TANC1: variants seen among roughly 807,000 people sequenced by gnomAD.
TANC1 encodes the protein tetratricopeptide repeat, ankyrin repeat and coiled-coil containing 1, also known as protein TANC1.
In TANC1, 77 loss-of-function variants were observed where a neutral mutation model predicts 149.7. That is an observed-to-expected ratio of 0.51 (90% CI 0.43 to 0.62). The LOEUF (loss-of-function observed/expected upper bound fraction) is 0.62. Among genes scored for constraint, TANC1 ranks in the 20% least tolerant of loss-of-function variants. TANC1 has a pLI of 0.00. For synonymous variants in TANC1, 854 were observed against 925.0 expected (o/e 0.92, Z 1.39); for missense variants, 1,985 against 2,321.8 (o/e 0.85, Z 2.98).
chr2:159,030,474 A>G (rs1456112193), intron 2 of TANC1, among the ~76,000 whole-genome samples: 2 of 152,210 alleles, frequency 1.3e-5, no homozygotes, highest in Admixed American at 6.5e-5. Flanking sequence ...TTCCTAGGAC[A>G]GAAGTTATTT....
At chr2:158,970,310 C>A (rs2032665266) in intron 1 of TANC1, among the ~76,000 whole-genome samples, 1 of 152,140 alleles carries the variant, frequency 6.6e-6, no homozygotes, top group South Asian at 2.1e-4. Context: ...GCTGGCACTC[C>A]TGAGGCAGGG....
At chr2:159,150,144 G>T in intron 6 of TANC1, 1 of 424,326 alleles carries the variant, frequency 2.4e-6, no homozygotes, top group Non-Finnish European at 4.2e-6. Context: ...ACAAAGGAGG[G>T]GAACCGAACA....
At position 159,232,236 on chromosome 2, in the gene TANC1, A is replaced by T. The variant is rs1421951569; in HGVS notation, c.*1224A>T. The T allele has an allele frequency of 6.6e-6, 1 of 152,660 alleles. No individual in the cohort carries two copies. Among genetic ancestry groups the T allele is most frequent in the Non-Finnish European group, 1.5e-5 (1 of 68,036 alleles). 9.5% of individuals were successfully genotyped at this position (152,660 alleles called of 1,614,324 possible). A position where few individuals can be genotyped will look rare whatever the true frequency, so the allele number is the denominator to read the frequency against. ...AAGGTACAGGAATGAACCTTGGTTT[A>T]AAGGTATTTTTATATGAAAATGGTG... On this transcript the variant is annotated 3_prime_UTR_variant, in exon 27 of 27. Coordinates refer to ENST00000263635, the MANE Select transcript of TANC1 (RefSeq NM_033394.3).
At position 159,176,426 on chromosome 2, in the gene TANC1, T is replaced by G; in HGVS notation, c.1810T>G (p.Tyr604Asp). The G allele has an allele frequency of 6.3e-7, 1 of 1,588,590 alleles. No individual in the cohort carries two copies. Among genetic ancestry groups the G allele is most frequent in the Non-Finnish European group, 8.6e-7 (1 of 1,165,198 alleles). Reference sequence around the variant, plus strand: ...TGAAGCTGAGTTTCATAAACCTGATTATGGAGATACGCTTTCTTCATTTAT... The same window carrying G: ...TGAAGCTGAGTTTCATAAACCTGATGATGGAGATACGCTTTCTTCATTTAT... ...LNEAEFHKPD[Y>D]GDTLSSFITK... Residue 604 changes from tyrosine to aspartate, a missense_variant, in exon 13 of 27, where the codon TAT (tyrosine) becomes GAT (aspartate). Around this residue, in one of 3 missense-constraint regions of TANC1, gnomAD observed 508 missense variants for 714.2 expected, o/e 0.71. Transcript: ENST00000263635.
intron 1 of TANC1, among the ~76,000 whole-genome samples, chr2:158,989,724 A>C (rs2035414980): frequency 3.3e-5 from 5 of 152,030 alleles, no homozygotes; most frequent in African/African-American, 1.2e-4. Context: ...TATCCATAAT[A>C]ATTATGAAGA....
intron 19 of TANC1, among the ~76,000 whole-genome samples, chr2:159,203,106 G>A (rs1482146043): frequency 6.6e-6 from 1 of 152,076 alleles, no homozygotes; most frequent in Non-Finnish European, 1.5e-5. Flanking sequence ...AGATGGTCCT[G>A]TCTGGTATCA....
chr2:159,230,244 T>A lies in TANC1; in HGVS notation c.4818T>A (p.Asn1606Lys), dbSNP rs2060267820. 8 of 1,613,938 alleles carry A rather than the reference T, an allele frequency of 5.0e-6. No individual in the cohort carries two copies. In the East Asian group the frequency reaches 1.8e-4, roughly 36 times the overall value. Residue 1606 changes from asparagine to lysine, a missense_variant, in exon 27 of 27, where the codon AAT (asparagine) becomes AAA (lysine). Asn to Lys is a moderately conservative substitution (Grantham distance 94). Coordinates refer to ENST00000263635, the MANE Select transcript of TANC1 (RefSeq NM_033394.3). The surrounding 1 kb of genome is among the most constrained non-coding windows in gnomAD (Gnocchi z 4.4). ...HFGDRLGPSQ[N>K]VRLQCGENGP... Reference sequence around the variant, plus strand: ...GGGATCGGCTGGGCCCCAGCCAGAATGTCCGCCTGCAGTGTGGTGAGAATG... The same window carrying A: ...GGGATCGGCTGGGCCCCAGCCAGAAAGTCCGCCTGCAGTGTGGTGAGAATG...
chr2:159,078,179 A>G (rs1360115933), intron 3 of TANC1, among the ~76,000 whole-genome samples: 1 of 152,222 alleles, frequency 6.6e-6, no homozygotes, highest in Non-Finnish European at 1.5e-5. Context: ...TGAGGATTAA[A>G]TGAATTACTA....
At chr2:159,107,720 C>T (rs2047329463) in intron 4 of TANC1, among the ~76,000 whole-genome samples, 1 of 152,234 alleles carries the variant, frequency 6.6e-6, no homozygotes, top group Admixed American at 6.5e-5. Flanking sequence ...TCAGAACCTT[C>T]TCCTTAGGAG....
At chr2:159,188,791 A>G (rs1427445703) in intron 16 of TANC1, among the ~76,000 whole-genome samples, 1 of 152,212 alleles carries the variant, frequency 6.6e-6, no homozygotes, top group Non-Finnish European at 1.5e-5. Flanking sequence ...GCATATCCCC[A>G]GCTCCCTTCC....
intron 4 of TANC1, among the ~76,000 whole-genome samples, chr2:159,130,486 T>G (rs1288324722): frequency 2.6e-5 from 4 of 152,082 alleles, no homozygotes; most frequent in African/African-American, 9.7e-5. Context: ...TGGGGGAGTG[T>G]TCCGTATAGA....
intron 2 of TANC1, among the ~76,000 whole-genome samples, chr2:159,044,430 C>G (rs989566404): frequency 6.6e-6 from 1 of 152,004 alleles, no homozygotes; most frequent in East Asian, 1.9e-4. Context: ...AGCATGAAAC[C>G]CTGTCTTAAA....
In TANC1 at chr2:159,230,961, C is replaced by G; in HGVS notation, c.5535C>G (p.Ser1845Arg). ...QPHISNEAHR[S>R]HLTAAKPKRS... ...ATATTAGTAATGAAGCCCACAGGAG[C>G]CACCTCACTGCAGCCAAACCAAAGC... Residue 1845 changes from serine (S) to arginine (R), a missense_variant, in exon 27 of 27, where the codon AGC becomes AGG. Ser to Arg is a moderately radical substitution (Grantham distance 110). Transcript: ENST00000263635. The surrounding 1 kb of genome is among the most constrained non-coding windows in gnomAD (Gnocchi z 4.4). 1 of 1,614,018 alleles carries G rather than the reference C, an allele frequency of 6.2e-7. No individual in the cohort carries two copies. Among genetic ancestry groups the G allele is most frequent in the Non-Finnish European group, 8.5e-7 (1 of 1,179,992 alleles).
At chr2:159,217,810 C>T (rs2059444583) in intron 20 of TANC1, among the ~76,000 whole-genome samples, 180 bp downstream of exon 20, 1 of 152,172 alleles carries the variant, frequency 6.6e-6, no homozygotes, top group African/African-American at 2.4e-5. Context: ...CACAGTTGGC[C>T]ACGTAGGCTG....
chr2:159,165,878 A>G (rs2054554262), intron 8 of TANC1, among the ~76,000 whole-genome samples: 2 of 152,354 alleles, frequency 1.3e-5, no homozygotes, highest in Admixed American at 6.5e-5. Context: ...GATTGGGTGC[A>G]GAAGTTCTTC....
intron 1 of TANC1, among the ~76,000 whole-genome samples, chr2:158,972,115 C>A (rs1189116398): frequency 1.3e-5 from 2 of 152,212 alleles, no homozygotes; most frequent in Non-Finnish European, 2.9e-5. Flanking sequence ...CAGAAAGTCA[C>A]ATGCTTCAAA....
chr2:159,172,194 A>G lies in TANC1; in HGVS notation c.1425A>G (p.Thr475=). ...GTTCTTCCACAAGTGCTTCCAGCAC[A>G]GCTAAAACACCTCTTGGGTCTATCA... ...SPSSSTSASS[T]AKTPLGSISA... Residue 475 remains threonine, a synonymous_variant, in exon 11 of 27, where the codon ACA becomes ACG. Transcript: ENST00000263635. 6.2e-7 allele frequency: 1 copy of G among 1,614,216 alleles called. No individual in the cohort carries two copies. Among genetic ancestry groups the G allele is most frequent in the South Asian group, 1.1e-5 (1 of 91,078 alleles).
intron 4 of TANC1, among the ~76,000 whole-genome samples, chr2:159,120,010 G>A (rs765816864): frequency 4.6e-5 from 7 of 152,178 alleles, no homozygotes; most frequent in Admixed American, 2.0e-4. Context: ...TCAGTCTCAG[G>A]TGCAGCCTGT....
intron 11 of TANC1, 90 bp from the exon 12 acceptor site, chr2:159,174,863 C>T (rs779751316): frequency 8.0e-5 from 77 of 968,490 alleles, no homozygotes; most frequent in Non-Finnish European, 1.1e-4. Flanking sequence ...TTGTTACCAG[C>T]GAATGGGCAG....
Sources: gnomAD v4.1 joint callset for allele counts (sites outside exome capture counted in the v4.1 genomes callset) on GRCh38, gnomAD v4.1.1 for gene constraint, gnomAD v4.1.1 regional missense constraint, Gnocchi (gnomAD v3.1) non-coding constraint, MANE v1.5 for transcripts, NCBI Gene and HGNC (gene_info 2026-07-23, HGNC 2026-07-21) for gene names.